The following TMEM26 variants were observed in gnomAD, a reference collection of about 807,000 sequenced individuals.
The protein encoded by TMEM26 is transmembrane protein 26.
Under a neutral mutation model 28.8 loss-of-function variants are expected in TMEM26, and 38 were observed. The ratio of observed to expected loss-of-function variants is 1.32; its 90% CI spans 1.02 to 1.73. TMEM26 has a LOEUF of 1.73. Ranked by LOEUF, TMEM26 falls within the 40% of genes most tolerant of loss-of-function variation. TMEM26 has a pLI of 0.00. For synonymous variants in TMEM26, 227 were observed against 182.9 expected (o/e 1.24, Z -1.95); for missense variants, 518 against 447.1 (o/e 1.16, Z -1.43).
At chr10:61,438,706 T>A (rs1307284097) in intron 1 of TMEM26, among the ~76,000 whole-genome samples, 1 of 152,232 alleles carries the variant, frequency 6.6e-6, no homozygotes, top group East Asian at 1.9e-4. Flanking sequence ...AACTTCAAGA[T>A]TCAAGATGTT....
intron 4 of TMEM26, among the ~76,000 whole-genome samples, chr10:61,418,815 T>C (rs36055900): frequency 0.11 from 17,239 of 152,110 alleles, 1,893 homozygotes; most frequent in African/African-American, 0.28. Flanking sequence ...TGAGTACTCC[T>C]GTAGGCTTGG....
At chr10:61,414,614 C>T (rs575313467) in intron 4 of TMEM26, 1 of 152,150 alleles carries the variant, frequency 6.6e-6, no homozygotes, top group African/African-American at 2.4e-5. Context: ...AAAGTCTCAA[C>T]TTTCAAAATG....
At chr10:61,422,155 G>A (rs2135298954) in intron 4 of TMEM26, among the ~76,000 whole-genome samples, 1 of 152,092 alleles carries the variant, frequency 6.6e-6, no homozygotes, top group Non-Finnish European at 1.5e-5. Flanking sequence ...CAAAATATAT[G>A]AAGCAAAAAC....
At position 61,413,550 on chromosome 10, in the gene TMEM26, A is replaced by T; in HGVS notation, c.606-15T>A. On this transcript the variant is annotated splice_polypyrimidine_tract_variant and intron_variant, in intron 4 of 5. Transcript: ENST00000399298. ...CAGGACTATTCCTAGAATACAGACA[A>T]AATGTTAAATTTGTAATAAAAAGTA... 4 of 1,583,034 alleles carry T rather than the reference A, an allele frequency of 2.5e-6. No homozygotes were observed. The highest frequency in any genetic ancestry group is 1.7e-4 in the Middle Eastern group (1 of 5,906).
chr10:61,425,006 T>A (rs1366748915), intron 4 of TMEM26, among the ~76,000 whole-genome samples: 1 of 152,182 alleles, frequency 6.6e-6, no homozygotes, highest in Non-Finnish European at 1.5e-5. Context: ...TTCATGCTGC[T>A]GATAAAGACA....
At chr10:61,431,174 C>T (rs1315668099) in intron 3 of TMEM26, 45 bp downstream of exon 3, 5 of 1,498,820 alleles carry the variant, frequency 3.3e-6, no homozygotes, top group Non-Finnish European at 4.6e-6. Context: ...TATACCAAGT[C>T]CACCATTTTC....
At chr10:61,413,218 A>G (rs961325335) in intron 5 of TMEM26, among the ~76,000 whole-genome samples, 1 of 152,082 alleles carries the variant, frequency 6.6e-6, no homozygotes, top group South Asian at 2.1e-4. Context: ...CGGAACTGCT[A>G]TTTGAAGTAA....
At position 61,406,953 on chromosome 10, in the gene TMEM26, C is replaced by A. The variant is rs553753892; in HGVS notation, c.*3369G>T. 4 of 151,408 alleles carry A rather than the reference C, an allele frequency of 2.6e-5. No individual in the cohort carries two copies. The South Asian group carries it at 8.4e-4, about 32-fold the overall frequency. 9.4% of individuals were successfully genotyped at this position (151,408 alleles called of 1,614,324 possible). A position where few individuals can be genotyped will look rare whatever the true frequency, so the allele number is the denominator to read the frequency against. ...TCAGAATGTCCTCTAAGTAAAAAGC[C>A]AAGTCTGAAATTAGAAAAAAAAAAA... On this transcript the variant is annotated 3_prime_UTR_variant, in exon 6 of 6. Transcript: ENST00000399298.
rs995378913 is a variant in TMEM26, at chr10:61,413,995, A to G, written c.606-460T>C. On this transcript the variant is annotated intron_variant, in intron 4 of 5. Transcript: ENST00000399298. Reference sequence around the variant, plus strand: ...CAAAGATTAAAAACTCAACATTGAAATAAAATTGTCATTAGATAGGAAAAA... The same window carrying G: ...CAAAGATTAAAAACTCAACATTGAAGTAAAATTGTCATTAGATAGGAAAAA... 5.1e-6 allele frequency: 5 copies of G among 987,620 alleles called. No homozygotes were observed. The African/African-American group carries it at 8.7e-5, about 17-fold the overall frequency. The allele number at this position is 987,620 out of a possible 1,614,324, so 61.2% of individuals were successfully genotyped here.
chr10:61,429,166 T>A lies in TMEM26; in HGVS notation c.385-20A>T. The stretch of plus-strand genomic sequence containing the variant: ...TTTGGCCTGTTTAACAGAAATGTCA[T>A]ACAGACAGGATTATCAGCCACCACC... On this transcript the variant is annotated intron_variant, in intron 3 of 5. Transcript: ENST00000399298. The A allele has an allele frequency of 6.3e-7, 1 of 1,593,998 alleles. No homozygotes were observed.
intron 1 of TMEM26, among the ~76,000 whole-genome samples, chr10:61,447,496 A>G (rs935666286): frequency 3.9e-5 from 6 of 152,176 alleles, no homozygotes; most frequent in Admixed American, 3.3e-4. Context: ...TCAATTTAGG[A>G]TAGAATCCTT....
rs976956412 is a variant in TMEM26 at position 61,453,179 on chromosome 10, C to T, written c.-98G>A. On this transcript the variant is annotated 5_prime_UTR_variant, in exon 1 of 6. It adds an upstream start codon to the 5' untranslated region. Transcript: ENST00000399298. ...CCGGTGAGCAGGAATATGACAAGCACTGAGACCTGCTGCTGCTTGTGGTCC... is the reference window on the plus strand; with the variant it reads ...CCGGTGAGCAGGAATATGACAAGCATTGAGACCTGCTGCTGCTTGTGGTCC... 37 of 1,241,252 alleles carry T rather than the reference C, an allele frequency of 3.0e-5. No individual in the cohort carries two copies. Among genetic ancestry groups the T allele is most frequent in the Non-Finnish European group, 4.0e-5 (36 of 889,106 alleles). The allele number at this position is 1,241,252 out of a possible 1,614,324, so 76.9% of individuals were successfully genotyped here.
intron 4 of TMEM26, among the ~76,000 whole-genome samples, chr10:61,426,639 C>T (rs1460202681): frequency 6.6e-6 from 1 of 151,908 alleles, no homozygotes; most frequent in Non-Finnish European, 1.5e-5. Context: ...ATCTATCAGC[C>T]TAAACTATGG....
intron 3 of TMEM26, among the ~76,000 whole-genome samples, chr10:61,429,604 GT>G (rs978929697): frequency 1.3e-5 from 2 of 151,652 alleles, no homozygotes; most frequent in Non-Finnish European, 2.9e-5. Context: ...TCTTCTCTTT[GT>G]TTTTTTGCTT....
chr10:61,425,114 G>A (rs1283858995), intron 4 of TMEM26, among the ~76,000 whole-genome samples: 3 of 152,154 alleles, frequency 2.0e-5, no homozygotes, highest in African/African-American at 7.2e-5. Flanking sequence ...AAGGCAAGGA[G>A]GAGCAAATCA....
At chr10:61,420,392 C>A (rs1839725147) in intron 4 of TMEM26, among the ~76,000 whole-genome samples, 1 of 151,992 alleles carries the variant, frequency 6.6e-6, no homozygotes. Context: ...GCCAGAGAGG[C>A]AGGCACACCC....
Position 61,410,619 on chromosome 10 carries a change from G to A in TMEM26, c.810C>T (p.Val270=), listed in dbSNP as rs779368525. 8.7e-6 allele frequency: 14 copies of A among 1,614,066 alleles called. No individual in the cohort carries two copies. Among genetic ancestry groups the A allele is most frequent in the East Asian group, 2.2e-5 (1 of 44,838 alleles). Residue 270 remains valine (V), a synonymous_variant, in exon 6 of 6, where the codon GTC becomes GTT. Transcript: ENST00000399298. ...SVFIQDGPFL[V]VRLILMTYFK... is the part of the protein sequence containing the mutation. ...AATAGGTCATCAGTATGAGACGCAC[G>A]ACAAGGAAGGGGCCATCTTGTATGA...
intron 4 of TMEM26, among the ~76,000 whole-genome samples, chr10:61,427,696 T>C (rs898664911): frequency 1.3e-5 from 2 of 152,108 alleles, no homozygotes; most frequent in African/African-American, 4.8e-5. Flanking sequence ...TCTACTATCC[T>C]ATGTTCCCTC....
Position 61,429,077 on chromosome 10 carries a change from A to T in TMEM26, c.454T>A (p.Phe152Ile), listed in dbSNP as rs1839878503. The T allele has an allele frequency of 6.2e-7, 1 of 1,613,248 alleles. No homozygotes were observed. The highest frequency in any genetic ancestry group is 1.7e-5 in the Admixed American group (1 of 59,932). The change falls in exon 4 of 6, where the codon TTC (phenylalanine) becomes ATC (isoleucine). Residue 152 changes from phenylalanine (F) to isoleucine (I), a missense_variant. Phe to Ile is a conservative substitution (Grantham distance 21). Coordinates refer to ENST00000399298, the MANE Select transcript of TMEM26 (RefSeq NM_178505.8). ...KVWTLGLHQTFLLMLIIGRWL... is the reference protein window; with the variant it reads ...KVWTLGLHQTILLMLIIGRWL... ...CTTCCAATTATTAGCATTAACAGGA[A>T]TGTCTGATGGAGTCCCAATGTCCAA...
Sources: allele counts gnomAD v4.1 joint callset (sites outside exome capture counted in the v4.1 genomes callset), GRCh38; gene constraint gnomAD v4.1.1; transcripts MANE v1.5; gene names NCBI Gene and HGNC (gene_info 2026-07-23, HGNC 2026-07-21).